ANO2: variants seen among roughly 807,000 people sequenced by gnomAD.
ANO2 encodes anoctamin 2.
Under a neutral mutation model 124.2 loss-of-function variants are expected in ANO2, and 101 were observed. The observed-to-expected ratio is 0.81, with a 90% confidence interval of 0.69 to 0.96. ANO2 has a LOEUF of 0.96. Ranked by LOEUF, ANO2 falls within the 40% of genes least tolerant of loss-of-function variation. The pLI, the probability that ANO2 is intolerant of heterozygous loss-of-function variation, is 0.00. For synonymous variants in ANO2, 486 were observed against 482.5 expected, an observed-to-expected ratio of 1.01 and a Z score of -0.09; for missense variants, 1,293 against 1,274.5, an observed-to-expected ratio of 1.01 and a Z score of -0.22.
chr12:5,821,639 G>C (rs1190566845), intron 7 of ANO2, among the ~76,000 whole-genome samples: 1 of 152,214 alleles, frequency 6.6e-6, no homozygotes, highest in East Asian at 1.9e-4. Flanking sequence ...ATCTTCTGCA[G>C]ATAACTGCTC....
At chr12:5,633,783 C>T (rs1365592603) in intron 16 of ANO2, among the ~76,000 whole-genome samples, 4 of 152,170 alleles carry the variant, frequency 2.6e-5, no homozygotes, top group Admixed American at 2.6e-4. Context: ...CTCTCCCAAC[C>T]ACCCAAGTGG....
At chr12:5,642,242 A>C (rs61177231) in intron 15 of ANO2, among the ~76,000 whole-genome samples, 3,440 of 152,094 alleles carry the variant, frequency 0.023, 133 homozygotes, top group African/African-American at 0.079. Flanking sequence ...GGTCCTTGGA[A>C]ATTTTCTCTA....
chr12:5,584,050 A>G (rs1942938006), intron 20 of ANO2: 2 of 260,364 alleles, frequency 7.7e-6, no homozygotes. Flanking sequence ...CCAGATAAAG[A>G]CTATTTCCCG....
chr12:5,774,778 G>T (rs1249822438), intron 10 of ANO2, among the ~76,000 whole-genome samples: 1 of 152,030 alleles, frequency 6.6e-6, no homozygotes, highest in African/African-American at 2.4e-5. Flanking sequence ...CTGCCCCCAG[G>T]TTCATCCATG....
rs531335883 is a variant in ANO2 at position 5,844,420 on chromosome 12, C to T, written c.633+9623G>A. On this transcript the variant is annotated intron_variant, in intron 4 of 24. Transcript: ENST00000682330. ...AAAGCTTGAAGAGGTGACAGACGTA[C>T]GACACTTTTACTCTTAGATATCTGT... is the stretch of plus-strand genomic sequence containing the variant. 2.3e-4 allele frequency among the ~76,000 whole-genome samples: 35 copies of T among 152,276 alleles called. No homozygotes were observed. In the East Asian group the frequency reaches 3.9e-3, roughly 17 times the overall value.
chr12:5,603,853 G>A (rs992434452), intron 19 of ANO2, among the ~76,000 whole-genome samples: 1 of 144,260 alleles, frequency 6.9e-6, no homozygotes, highest in African/African-American at 2.5e-5. Flanking sequence ...GCTGAGGCAG[G>A]AGAATGGCAT....
chr12:5,610,983 T>TTTTTTTTTTTTTTTTTTTTTTTTTTTTG (rs1555100751), intron 19 of ANO2, among the ~76,000 whole-genome samples: 1 of 121,658 alleles, frequency 8.2e-6, no homozygotes. Context: ...TTTTTTTTTT[T>TTTTTTTTTTTTTTTTTTTTTTTTTTTTG]TTTTTTGAGA....
At position 5,696,412 on chromosome 12, in the gene ANO2, T is replaced by TAAC. The variant is rs531074304; in HGVS notation, c.1545+36105_1545+36107dup. On this transcript the variant is annotated intron_variant, in intron 14 of 24. Transcript: ENST00000682330. The stretch of plus-strand genomic sequence containing the variant: ...TTGAAAATACATAAATAGGAAAATA[T>TAAC]AACAATATGGAATCAAGAAGAAAAT... Among the ~76,000 whole-genome samples the TAAC allele has an allele frequency of 3.4e-4, 52 of 151,878 alleles. No homozygotes were observed. In the East Asian group the frequency reaches 8.1e-3, roughly 24 times the overall value.
intron 3 of ANO2, 63 bp downstream of exon 3, chr12:5,920,977 A>AT: frequency 6.5e-7 from 1 of 1,532,642 alleles, no homozygotes; most frequent in Non-Finnish European, 8.8e-7. Context: ...GGCACTGCTC[A>AT]CTAGGAGCCC....
At chr12:5,691,283 G>A (rs563144937) in intron 14 of ANO2, among the ~76,000 whole-genome samples, 73 of 129,512 alleles carry the variant, frequency 5.6e-4, no homozygotes, top group Middle Eastern at 0.013. Context: ...AGCCGAGATC[G>A]CACCATTGCA....
At chr12:5,805,379 A>G (rs2137171125) in intron 9 of ANO2, among the ~76,000 whole-genome samples, 1 of 152,164 alleles carries the variant, frequency 6.6e-6, no homozygotes, top group Middle Eastern at 3.4e-3. Flanking sequence ...CAGCAGGAGG[A>G]TGGCATAAGG....
intron 14 of ANO2, among the ~76,000 whole-genome samples, chr12:5,698,985 C>A (rs112538382): frequency 6.6e-6 from 1 of 152,144 alleles, no homozygotes; most frequent in South Asian, 2.1e-4. Flanking sequence ...CTGAAAGTGA[C>A]GGGGAGAATG....
chr12:5,911,366 C>T (rs1336312242), intron 3 of ANO2, among the ~76,000 whole-genome samples: 1 of 152,132 alleles, frequency 6.6e-6, no homozygotes, highest in Non-Finnish European at 1.5e-5. Flanking sequence ...CAGCCCCAGA[C>T]CGATAAAGAC....
chr12:5,700,931 G>A (rs374121403), intron 14 of ANO2, among the ~76,000 whole-genome samples: 10 of 151,940 alleles, frequency 6.6e-5, no homozygotes, highest in African/African-American at 1.5e-4. Flanking sequence ...TTTGCTCCTC[G>A]TTTTTCTTCC....
intron 3 of ANO2, among the ~76,000 whole-genome samples, chr12:5,882,459 A>C (rs1005647639): frequency 2.0e-5 from 3 of 152,198 alleles, no homozygotes; most frequent in African/African-American, 7.2e-5. Flanking sequence ...TTCAAACAGA[A>C]AGGCTGGGAC....
At chr12:5,782,610 G>A (rs1422077985) in intron 10 of ANO2, among the ~76,000 whole-genome samples, 4 of 152,122 alleles carry the variant, frequency 2.6e-5, no homozygotes, top group Non-Finnish European at 5.9e-5. Context: ...GGCAGAAAAG[G>A]TAGTCCTGCA....
chr12:5,710,895 C>T (rs1949787709), intron 14 of ANO2, among the ~76,000 whole-genome samples: 4 of 152,160 alleles, frequency 2.6e-5, no homozygotes, highest in African/African-American at 7.2e-5. Context: ...GGCGCGGTGG[C>T]TCACACCTGT....
At chr12:5,764,640 A>G (rs1951826664) in intron 10 of ANO2, among the ~76,000 whole-genome samples, 1 of 152,220 alleles carries the variant, frequency 6.6e-6, no homozygotes, top group African/African-American at 2.4e-5. Flanking sequence ...GGACAGGACT[A>G]CATATGGCTA....
chr12:5,649,964 T>A lies in ANO2; in HGVS notation c.1546-2163A>T, dbSNP rs73269260. Among the ~76,000 whole-genome samples the A allele has an allele frequency of 4.7e-3, 711 of 152,304 alleles. 4 individuals are homozygous for A. The highest frequency in any genetic ancestry group is 0.016 in the African/African-American group (683 of 41,558). ...GCACCCAGCCACCTAAGGGTATTTT[T>A]AAAAGATTTTTCTTTAAGCTGTTGA... On this transcript the variant is annotated intron_variant, in intron 14 of 24. Transcript: ENST00000682330.
Sources: gnomAD v4.1 joint callset for allele counts (sites outside exome capture counted in the v4.1 genomes callset) on GRCh38, gnomAD v4.1.1 for gene constraint, MANE v1.5 for transcripts, NCBI Gene and HGNC (gene_info 2026-07-23, HGNC 2026-07-21) for gene names.